MCC: variants seen among roughly 807,000 people sequenced by gnomAD.
The protein encoded by MCC is colorectal mutant cancer protein.
Under a neutral mutation model 116.2 loss-of-function variants are expected in MCC, and 90 were observed. That is an observed-to-expected ratio of 0.77 (90% CI 0.65 to 0.92). The LOEUF is 0.92. Ranked by LOEUF, MCC falls within the 40% of genes least tolerant of loss-of-function variation. The probability of loss-of-function intolerance (pLI) is 0.00; values close to 1 mark genes in which losing one functional copy is unlikely to be tolerated. For missense variants in MCC, 1,516 were observed against 1,312.2 expected (o/e 1.16, Z -2.40); for synonymous variants, 578 against 510.5 (o/e 1.13, Z -1.78).
chr5:113,099,622 C>A (rs1189293492), intron 8 of MCC, among the ~76,000 whole-genome samples: 1 of 152,194 alleles, frequency 6.6e-6, no homozygotes, highest in East Asian at 1.9e-4. Flanking sequence ...GGTTAGGCAA[C>A]CTGCCAAAGA....
intron 3 of MCC, among the ~76,000 whole-genome samples, chr5:113,304,446 A>G (rs1487622287): frequency 6.6e-6 from 1 of 152,224 alleles, no homozygotes; most frequent in Non-Finnish European, 1.5e-5. Context: ...ACATTTACAG[A>G]CTGCTTCACA....
intron 8 of MCC, among the ~76,000 whole-genome samples, chr5:113,087,105 G>A (rs1755247898): frequency 6.6e-6 from 1 of 152,230 alleles, no homozygotes; most frequent in African/African-American, 2.4e-5. Flanking sequence ...ACAGGGCAGA[G>A]AACAGGCAGG....
intron 5 of MCC, 83 bp from the exon 6 acceptor site, chr5:113,122,909 A>G: frequency 4.9e-6 from 7 of 1,429,882 alleles, no homozygotes; most frequent in Non-Finnish European, 5.8e-6. Flanking sequence ...GGACAAGAAA[A>G]AGACATTGAG....
At chr5:113,293,196 C>T (rs1427582209) in intron 3 of MCC, among the ~76,000 whole-genome samples, 4 of 151,688 alleles carry the variant, frequency 2.6e-5, no homozygotes, top group Non-Finnish European at 5.9e-5. Context: ...TTTCCCCCAA[C>T]CCCATTTAAT....
intron 3 of MCC, among the ~76,000 whole-genome samples, chr5:113,201,187 A>G (rs908716612): frequency 6.6e-6 from 1 of 152,008 alleles, no homozygotes; most frequent in African/African-American, 2.4e-5. Flanking sequence ...GGAATTTGGG[A>G]CCAGTCTGAC....
intron 4 of MCC, among the ~76,000 whole-genome samples, chr5:113,145,770 AC>A (rs1759470227): frequency 6.1e-5 from 1 of 16,282 alleles, no homozygotes; most frequent in Non-Finnish European, 1.5e-4. Flanking sequence ...ACACACACAC[AC>A]ACACACACAC....
At chr5:113,312,804 G>GA (rs901155531) in intron 3 of MCC, among the ~76,000 whole-genome samples, 2 of 151,978 alleles carry the variant, frequency 1.3e-5, no homozygotes, top group African/African-American at 4.8e-5. Flanking sequence ...ATCTAGTCCT[G>GA]AAAAAAATAT....
chr5:113,157,793 T>C (rs1341856972), intron 3 of MCC, among the ~76,000 whole-genome samples: 1 of 152,230 alleles, frequency 6.6e-6, no homozygotes, highest in African/African-American at 2.4e-5. Flanking sequence ...GAACTCTATA[T>C]ACACTGTTTT....
intron 3 of MCC, among the ~76,000 whole-genome samples, chr5:113,171,078 C>T (rs1356425642): frequency 6.6e-6 from 1 of 151,940 alleles, no homozygotes. Context: ...TATCTGCCCT[C>T]CACACAAAAA....
chr5:113,474,316 G>A (rs1772177711), intron 1 of MCC, among the ~76,000 whole-genome samples: 1 of 152,180 alleles, frequency 6.6e-6, no homozygotes, highest in Admixed American at 6.5e-5. Flanking sequence ...AAAGTGTCCA[G>A]AGGGGAGGAG....
Position 113,068,091 on chromosome 5 carries a change from C to T in MCC, c.2018G>A (p.Gly673Glu). ...CTGGAGACACTTACCAGGGGAGGAC[C>T]CCACGCCCGCCGCTCGGAACTGCCC... is the stretch of plus-strand genomic sequence containing the variant. Reference protein sequence around the residue: ...ILGQFRAAGVGSSPGDQSGDE... With the variant: ...ILGQFRAAGVESSPGDQSGDE... The change falls in exon 13 of 19, where the codon GGG becomes GAG. Residue 673 changes from glycine to glutamate, a missense_variant. Transcript: ENST00000408903. 4 of 1,614,000 alleles carry T rather than the reference C, an allele frequency of 2.5e-6. No homozygotes were observed. The highest frequency in any genetic ancestry group is 3.4e-6 in the Non-Finnish European group (4 of 1,179,946).
At chr5:113,477,408 C>T (rs757202889) in intron 1 of MCC, among the ~76,000 whole-genome samples, 12 of 152,262 alleles carry the variant, frequency 7.9e-5, no homozygotes, top group Non-Finnish European at 1.6e-4. Context: ...CTGGATTTAC[C>T]GTTTCACCTA....
chr5:113,434,981 C>T lies in MCC; in HGVS notation c.171-49769G>A. The stretch of plus-strand genomic sequence containing the variant: ...TGTTCCTGCCTCCTAGAGGCCAAGA[C>T]TCTGGAGTGGAACATTTGGCACTGT... On this transcript the variant is annotated intron_variant, in intron 1 of 18. Coordinates refer to ENST00000408903, the MANE Select transcript of MCC (RefSeq NM_001085377.2). The surrounding 1 kb of genome is among the most constrained non-coding windows in gnomAD (Gnocchi z 4.2). 1 of 1,010,948 alleles carries T rather than the reference C, an allele frequency of 9.9e-7. No individual in the cohort carries two copies. Among genetic ancestry groups the T allele is most frequent in the Non-Finnish European group, 1.4e-6 (1 of 699,726 alleles). The allele number at this position is 1,010,948 out of a possible 1,614,324, so 62.6% of individuals were successfully genotyped here. A position where few individuals can be genotyped will look rare whatever the true frequency, so the allele number is the denominator to read the frequency against.
chr5:113,132,318 GAAAT>G lies in MCC; in HGVS notation c.885-9496_885-9493del, dbSNP rs1758478843. Among the ~76,000 whole-genome samples, 13 of 149,960 alleles carry G rather than the reference GAAAT, an allele frequency of 8.7e-5. No homozygotes were observed. The South Asian group carries it at 2.7e-3, about 32-fold the overall frequency. ...TCACCAGTACCAACTCACCCTATAT[GAAAT>G]AATAGGAGAAAATAAGAGGAAAAAG... On this transcript the variant is annotated intron_variant, in intron 5 of 18. Transcript: ENST00000408903.
chr5:113,306,013 G>A lies in MCC; in HGVS notation c.627+34506C>T, dbSNP rs545199371. ...ATATAAACAGAGTAAGACAATATGT[G>A]GCTCTTTGTATACGGCTTCTTTCAC... On this transcript the variant is annotated intron_variant, in intron 3 of 18. Transcript: ENST00000408903. 3.9e-5 allele frequency among the ~76,000 whole-genome samples: 6 copies of A among 152,180 alleles called. No individual in the cohort carries two copies. In the South Asian group the frequency reaches 1.2e-3, roughly 32 times the overall value.
chr5:113,187,274 C>T (rs1761939046), intron 3 of MCC, among the ~76,000 whole-genome samples: 1 of 152,170 alleles, frequency 6.6e-6, no homozygotes, highest in Non-Finnish European at 1.5e-5. Flanking sequence ...ATGCCCAGCT[C>T]ATTTTTGCAT....
chr5:113,289,140 G>C (rs1766379769), intron 3 of MCC, among the ~76,000 whole-genome samples: 1 of 152,076 alleles, frequency 6.6e-6, no homozygotes, highest in African/African-American at 2.4e-5. Context: ...AGACCAGCCT[G>C]ACCAACACGG....
At chr5:113,042,085 A>G (rs2150214485) in intron 17 of MCC, among the ~76,000 whole-genome samples, 1 of 152,326 alleles carries the variant, frequency 6.6e-6, no homozygotes, top group African/African-American at 2.4e-5. Context: ...TGAATATTTA[A>G]AGAAAGCAAA....
intron 3 of MCC, among the ~76,000 whole-genome samples, chr5:113,324,511 T>C (rs1012743151): frequency 3.3e-5 from 5 of 152,188 alleles, no homozygotes; most frequent in African/African-American, 1.2e-4. Flanking sequence ...CCAGTATCCC[T>C]ATGCCCATAT....
Sources: gnomAD v4.1 joint callset for allele counts (sites outside exome capture counted in the v4.1 genomes callset) on GRCh38, gnomAD v4.1.1 for gene constraint, Gnocchi (gnomAD v3.1) non-coding constraint, MANE v1.5 for transcripts, NCBI Gene and HGNC (gene_info 2026-07-23, HGNC 2026-07-21) for gene names.